BMP4: variants seen among roughly 807,000 people sequenced by gnomAD.
BMP4 encodes the protein bone morphogenetic protein 4.
BMP4 carries 3 observed loss-of-function variants against 29.6 expected under a neutral mutation model. The ratio of observed to expected loss-of-function variants is 0.10; its 90% confidence interval spans 0.05 to 0.26. The LOEUF (loss-of-function observed/expected upper bound fraction) is 0.26. Among genes scored for constraint, BMP4 ranks in the 10% least tolerant of loss-of-function variants. The pLI is 1.00. For missense variants in BMP4, 455 were observed against 550.2 expected (o/e 0.83, Z 1.73); for synonymous variants, 197 against 213.2 (o/e 0.92, Z 0.66).
chr14:53,950,739 C>T lies in BMP4; in HGVS notation c.520G>A (p.Gly174Ser), dbSNP rs1486964955. 2 of 1,614,056 alleles carry T rather than the reference C, an allele frequency of 1.2e-6. No homozygotes were observed. The highest frequency in any genetic ancestry group is 2.2e-5 in the East Asian group (1 of 44,878). The change falls in exon 4 of 4, where the codon GGC (glycine) becomes AGC (serine). Residue 174 changes from glycine to serine, a missense_variant. By Grantham distance (56) the Gly-to-Ser change is moderately conservative. Around this residue, in one of 4 missense-constraint regions of BMP4, gnomAD observed 249 missense variants for 284.6 expected, o/e 0.87. Transcript: ENST00000245451. This position sits in a 1 kb window ranked among gnomAD's most constrained non-coding sequence, Gnocchi z 5.4. ...TCATAAATGTTTATACGGTGGAAGC[C>T]CCTTTCCCAATCAGGGCCCTGGTCC... ...QVDQGPDWER[G>S]FHRINIYEVM...
rs530388898 is a variant in BMP4, at chr14:53,956,773, G to C, written c.-356C>G. On this transcript the variant is annotated 5_prime_UTR_variant, in exon 1 of 4. Transcript: ENST00000245451. ...GCCACACTCACCTAGCTTCCGGGCC[G>C]GGCTCCGCGCTCCTTCCCTCCCTCC... 11 of 400,028 alleles carry C rather than the reference G, an allele frequency of 2.7e-5. No homozygotes were observed. The East Asian group carries it at 3.9e-4, about 14-fold the overall frequency. The allele number at this position is 400,028 out of a possible 1,614,324, so 24.8% of individuals were successfully genotyped here. A position where few individuals can be genotyped will look rare whatever the true frequency, so the allele number is the denominator to read the frequency against.
chr14:53,950,508 G>A lies in BMP4; in HGVS notation c.751C>T (p.His251Tyr), dbSNP rs200671094. 78 of 1,614,210 alleles carry A rather than the reference G, an allele frequency of 4.8e-5. No homozygotes were observed. In the East Asian group the frequency reaches 1.6e-3, roughly 32 times the overall value. The change falls in exon 4 of 4, where the codon CAT (histidine) becomes TAT (tyrosine). Residue 251 changes from histidine to tyrosine, a missense_variant. Transcript: ENST00000245451. This position sits in a 1 kb window ranked among gnomAD's most constrained non-coding sequence, Gnocchi z 5.4. ...GGTAACGATCGGCTAATCCTGACAT[G>A]CTGGCCCTGGTGGGTCCGAGTCTGA... ...LHQTRTHQGQ[H>Y]VRISRSLPQG...
chr14:53,950,664 G>T lies in BMP4; in HGVS notation c.595C>A (p.Leu199Ile). ...TGGTGGACCAGTCTCGTGTCCAGTA[G>T]TCGTGTGATGAGGTGCCCAGGCACC... ...EVVPGHLITR[L>I]LDTRLVHHNV... The change falls in exon 4 of 4, where the codon CTA (leucine) becomes ATA (isoleucine). Residue 199 changes from leucine (L) to isoleucine (I), a missense_variant. By Grantham distance (5) the Leu-to-Ile change is conservative (BLOSUM62 2). Around this residue, in one of 4 missense-constraint regions of BMP4, gnomAD observed 249 missense variants for 284.6 expected, o/e 0.87. Transcript: ENST00000245451. This position sits in a 1 kb window ranked among gnomAD's most constrained non-coding sequence, Gnocchi z 5.4. 1 of 1,614,270 alleles carries T rather than the reference G, an allele frequency of 6.2e-7. No homozygotes were observed. Among genetic ancestry groups the T allele is most frequent in the East Asian group, 2.2e-5 (1 of 44,884 alleles).
rs1895656732 is a variant in BMP4, at chr14:53,955,041, G to T, written c.-133+1509C>A. 6.6e-6 allele frequency among the ~76,000 whole-genome samples: 1 copy of T among 152,196 alleles called. No individual in the cohort carries two copies. Among genetic ancestry groups the T allele is most frequent in the African/African-American group, 2.4e-5 (1 of 41,452 alleles). On this transcript the variant is annotated intron_variant, in intron 1 of 3. Transcript: ENST00000245451. The surrounding 1 kb of genome is among the most constrained non-coding windows in gnomAD (Gnocchi z 4.0). ...CACCTCAGGTCCGGGTGCGGAGGCCGCGGGCGCCCCTGCGCGACCGTCCGC... is the reference window on the plus strand; with the variant it reads ...CACCTCAGGTCCGGGTGCGGAGGCCTCGGGCGCCCCTGCGCGACCGTCCGC...
Position 53,951,954 on chromosome 14 carries a change from T to C in BMP4, c.269A>G (p.Gln90Arg). 1 of 1,610,424 alleles carries C rather than the reference T, an allele frequency of 6.2e-7. No individual in the cohort carries two copies. Reference protein sequence around the residue: ...PDYMRDLYRLQSGEEEEEQIH... With the variant: ...PDYMRDLYRLRSGEEEEEQIH... ...CTGCTCTTCCTCCTCCTCCCCAGAC[T>C]GAAGCCGGTAAAGATCCCGCATGTA... Residue 90 changes from glutamine to arginine, a missense_variant, in exon 3 of 4, where the codon CAG (glutamine) becomes CGG (arginine). By Grantham distance (43) the Gln-to-Arg change is conservative (BLOSUM62 1). Transcript: ENST00000245451.
rs1895604221 is a variant in BMP4 at position 53,954,080 on chromosome 14, C to A, written c.-132-680G>T. ...AGAGCCGGGCCACCGATCTAGCTCC[C>A]GGCTGAAAGCAGCCGACCTTGTCAC... On this transcript the variant is annotated intron_variant, in intron 1 of 3. Transcript: ENST00000245451. This position sits in a 1 kb window ranked among gnomAD's most constrained non-coding sequence, Gnocchi z 4.8. 6.6e-6 allele frequency among the ~76,000 whole-genome samples: 1 copy of A among 152,072 alleles called. No individual in the cohort carries two copies. Among genetic ancestry groups the A allele is most frequent in the East Asian group, 1.9e-4 (1 of 5,170 alleles).
chr14:53,952,661 C>T (rs1035934344), intron 2 of BMP4, among the ~76,000 whole-genome samples: 1 of 152,126 alleles, frequency 6.6e-6, no homozygotes, highest in Non-Finnish European at 1.5e-5. Context: ...CTCCCTTTTC[C>T]TCCACCCTCA....
Position 53,950,370 on chromosome 14 carries a change from G to T in BMP4, c.889C>A (p.His297Asn). The change falls in exon 4 of 4, where the codon CAC (histidine) becomes AAC (asparagine). Residue 297 changes from histidine (H) to asparagine (N), a missense_variant. His to Asn is a moderately conservative substitution (Grantham distance 68). Coordinates refer to ENST00000245451, the MANE Select transcript of BMP4 (RefSeq NM_001202.6). This position sits in a 1 kb window ranked among gnomAD's most constrained non-coding sequence, Gnocchi z 5.4. Reference protein sequence around the residue: ...RRRAKRSPKHHSQRARKKNKN... With the variant: ...RRRAKRSPKHNSQRARKKNKN... ...TTCTTCTTCCTGGCCCGCTGTGAGT[G>T]ATGCTTAGGGCTACGCTTGGCCCTC... 1 of 1,613,990 alleles carries T rather than the reference G, an allele frequency of 6.2e-7. No individual in the cohort carries two copies. Among genetic ancestry groups the T allele is most frequent in the Non-Finnish European group, 8.5e-7 (1 of 1,179,904 alleles).
rs1284465358 is a variant in BMP4 at position 53,952,386 on chromosome 14, C to T, written c.-7-157G>A. Among the ~76,000 whole-genome samples the T allele has an allele frequency of 3.4e-5, 5 of 145,510 alleles. No individual in the cohort carries two copies. In the East Asian group the frequency reaches 1.0e-3, roughly 29 times the overall value. On this transcript the variant is annotated intron_variant, in intron 2 of 3. Transcript: ENST00000245451. ...TCAAGTTTGTGTCTTCTCCCTCACA[C>T]CACCCGCCCACCCACCAGCTGCAGC...
upstream of BMP4, chr14:53,956,837 T>A: frequency 2.5e-6 from 1 of 396,598 alleles, no homozygotes; most frequent in Non-Finnish European, 4.4e-6. Context: ...TCCTCCTCTT[T>A]CCCTCCCTCG....
intron 1 of BMP4, among the ~76,000 whole-genome samples, chr14:53,953,960 C>G (rs1449207216): frequency 1.3e-5 from 2 of 151,490 alleles, no homozygotes; most frequent in Non-Finnish European, 2.9e-5. Context: ...CAAACACGAG[C>G]TCCCCGCCAC....
chr14:53,951,897 C>T lies in BMP4; in HGVS notation c.326G>A (p.Arg109His), dbSNP rs773235106. 4.4e-6 allele frequency: 7 copies of T among 1,601,088 alleles called. No homozygotes were observed. The highest frequency in any genetic ancestry group is 3.3e-5 in the Admixed American group (2 of 59,998). ...CACGGTGTTGGCCCGGCTGGCCGGG[C>T]GCTCAGGATACTCAAGACCAGTGCT... ...IHSTGLEYPE[R>H]PASRANTVRS... Residue 109 changes from arginine (R) to histidine (H), a missense_variant, in exon 3 of 4, where the codon CGC becomes CAC. Arg to His is a conservative substitution (Grantham distance 29). Around this residue, in one of 4 missense-constraint regions of BMP4, gnomAD observed 249 missense variants for 284.6 expected, o/e 0.87. Transcript: ENST00000245451.
chr14:53,954,304 A>C lies in BMP4; in HGVS notation c.-132-904T>G, dbSNP rs1488712679. On this transcript the variant is annotated intron_variant, in intron 1 of 3. Transcript: ENST00000245451. The surrounding 1 kb of genome is among the most constrained non-coding windows in gnomAD (Gnocchi z 4.8). ...GCTGAGGGACAGACGCCGGGGCTCG[A>C]AGCTCCGGGCAGATTCAGAAAGAGG... is the stretch of plus-strand genomic sequence containing the variant. 1 of 152,136 alleles carries C rather than the reference A, an allele frequency of 6.6e-6. No homozygotes were observed. The highest frequency in any genetic ancestry group is 1.5e-5 in the Non-Finnish European group (1 of 68,074). 9.4% of individuals were successfully genotyped at this position (152,136 alleles called of 1,614,324 possible).
Position 53,951,901 on chromosome 14 carries a change from C to G in BMP4, c.322G>C (p.Glu108Gln), listed in dbSNP as rs1454041222. 1 of 1,601,876 alleles carries G rather than the reference C, an allele frequency of 6.2e-7. No homozygotes were observed. Among genetic ancestry groups the G allele is most frequent in the Non-Finnish European group, 8.5e-7 (1 of 1,179,970 alleles). The change falls in exon 3 of 4, where the codon GAG becomes CAG. Residue 108 changes from glutamate to glutamine, a missense_variant. Physicochemically the swap from Glu to Gln is conservative, Grantham distance 29. This residue lies in a region of BMP4 where 249 missense variants were observed against 284.6 expected (regional missense o/e 0.87). Coordinates refer to ENST00000245451, the MANE Select transcript of BMP4 (RefSeq NM_001202.6). ...QIHSTGLEYP[E>Q]RPASRANTVR... ...GTGTTGGCCCGGCTGGCCGGGCGCT[C>G]AGGATACTCAAGACCAGTGCTGTGG... is the stretch of plus-strand genomic sequence containing the variant.
In BMP4 at chr14:53,950,962, T is replaced by C. The variant is rs1895375752; in HGVS notation, c.371-74A>G. The C allele has an allele frequency of 1.9e-6, 3 of 1,580,230 alleles. No homozygotes were observed. The highest frequency in any genetic ancestry group is 8.6e-7 in the Non-Finnish European group (1 of 1,164,868). On this transcript the variant is annotated intron_variant, in intron 3 of 3. Transcript: ENST00000245451. This position sits in a 1 kb window ranked among gnomAD's most constrained non-coding sequence, Gnocchi z 5.4. Reference sequence around the variant, plus strand: ...TTTCAAAGATGGAAGAGTCAAGAGATAGCTCAGGGTTGGGCAATGAATGGT... The same window carrying C: ...TTTCAAAGATGGAAGAGTCAAGAGACAGCTCAGGGTTGGGCAATGAATGGT...
rs1442880704 is a variant in BMP4, at chr14:53,950,341, C to A, written c.918G>T (p.Lys306Asn). 2.5e-6 allele frequency: 4 copies of A among 1,614,174 alleles called. 1 individual carries two copies. Among genetic ancestry groups the A allele is most frequent in the East Asian group, 2.2e-5 (1 of 44,884 alleles). ...HHSQRARKKN[K>N]NCRRHSLYVD... ...CATAGAGCGAGTGGCGCCGGCAGTT[C>A]TTATTCTTCTTCCTGGCCCGCTGTG... Residue 306 changes from lysine to asparagine, a missense_variant, in exon 4 of 4, where the codon AAG (lysine) becomes AAT (asparagine). Lys to Asn is a moderately conservative substitution (Grantham distance 94). Transcript: ENST00000245451. This position sits in a 1 kb window ranked among gnomAD's most constrained non-coding sequence, Gnocchi z 5.4.
chr14:53,952,778 G>A (rs1040718876), intron 2 of BMP4, among the ~76,000 whole-genome samples: 5 of 152,172 alleles, frequency 3.3e-5, no homozygotes, highest in South Asian at 4.1e-4. Context: ...AGCCGAGAAG[G>A]TGGTCTGGGA....
At position 53,949,976 on chromosome 14, in the gene BMP4, T is replaced by C. The variant is rs1394521191; in HGVS notation, c.*56A>G. On this transcript the variant is annotated 3_prime_UTR_variant, in exon 4 of 4. Coordinates refer to ENST00000245451, the MANE Select transcript of BMP4 (RefSeq NM_001202.6). The stretch of plus-strand genomic sequence containing the variant: ...TGGATGGGAACGTGTGTGTGTGGTG[T>C]ATGTGGTGTGTGTGTGTGGTGTGTA... 2 of 1,586,194 alleles carry C rather than the reference T, an allele frequency of 1.3e-6. No homozygotes were observed. The highest frequency in any genetic ancestry group is 1.1e-5 in the South Asian group (1 of 89,778).
intron 3 of BMP4, 112 bp downstream of exon 3, chr14:53,951,741 C>A: frequency 6.7e-7 from 1 of 1,485,172 alleles, no homozygotes; most frequent in Non-Finnish European, 9.0e-7. Context: ...GTTCCTCAGC[C>A]TCCTGGACTG....
Sources: allele counts gnomAD v4.1 joint callset (sites outside exome capture counted in the v4.1 genomes callset), GRCh38; gene constraint gnomAD v4.1.1; regional missense constraint gnomAD v4.1.1; non-coding constraint Gnocchi (gnomAD v3.1); transcripts MANE v1.5; gene names NCBI Gene and HGNC (gene_info 2026-07-23, HGNC 2026-07-21).